ASS1: variants seen among roughly 807,000 people sequenced by gnomAD.
The protein encoded by ASS1 is argininosuccinate synthase 1.
ASS1 carries 58 observed loss-of-function variants against 60.5 expected under a neutral mutation model. That is an observed-to-expected ratio of 0.96 (90% confidence interval 0.78 to 1.19). ASS1 has a LOEUF of 1.19. ASS1 is among the 50% of genes most tolerant of loss of function. ASS1 has a pLI of 0.00. For synonymous variants in ASS1, 200 were observed against 206.9 expected, an observed-to-expected ratio of 0.97 and a Z score of 0.29; for missense variants, 454 against 547.3, an observed-to-expected ratio of 0.83 and a Z score of 1.70.
chr9:130,456,484 C>A (rs186532686), intron 3 of ASS1, among the ~76,000 whole-genome samples: 148 of 152,242 alleles, frequency 9.7e-4, no homozygotes, highest in Middle Eastern at 3.4e-3. Context: ...AACCAACCAA[C>A]CAAACAAACA....
At chr9:130,458,154 G>A (rs1372308436) in intron 3 of ASS1, among the ~76,000 whole-genome samples, 5 of 130,618 alleles carry the variant, frequency 3.8e-5, no homozygotes, top group African/African-American at 1.4e-4. Context: ...GCAAGACTTC[G>A]ACTCAAAAAA....
intron 13 of ASS1, 41 bp from the exon 14 acceptor site, chr9:130,499,464 C>A (rs755575017): frequency 1.2e-6 from 2 of 1,602,448 alleles, no homozygotes; most frequent in Non-Finnish European, 1.7e-6. Flanking sequence ...AAGCAGAGGC[C>A]AGGGCCAGGC....
At chr9:130,466,936 A>T in intron 6 of ASS1, 137 bp downstream of exon 6, 1 of 1,008,408 alleles carries the variant, frequency 9.9e-7, no homozygotes, top group Non-Finnish European at 1.5e-6. Context: ...CTTCCACCCC[A>T]GCTGCCTACA....
intron 11 of ASS1, among the ~76,000 whole-genome samples, chr9:130,484,799 G>A (rs1323027201): frequency 4.8e-5 from 7 of 146,604 alleles, no homozygotes; most frequent in African/African-American, 1.8e-4. Context: ...AGCTTTAAAC[G>A]CACACACACA....
chr9:130,474,597 AGTCCAGTTCACTTTACCTTT>A (rs1845970856), intron 8 of ASS1, among the ~76,000 whole-genome samples: 1 of 152,192 alleles, frequency 6.6e-6, no homozygotes, highest in Non-Finnish European at 1.5e-5. Context: ...CCCAAGATCC[AGTCCAGTTCACTTTACCTTT>A]TTGCTGAGGA....
intron 6 of ASS1, among the ~76,000 whole-genome samples, chr9:130,468,520 T>C (rs1845797807): frequency 6.6e-6 from 1 of 152,206 alleles, no homozygotes; most frequent in Admixed American, 6.5e-5. Context: ...CATCTGACCC[T>C]CCTACCTCAG....
At chr9:130,468,748 A>T (rs1564908532) in intron 6 of ASS1, among the ~76,000 whole-genome samples, 2 of 151,554 alleles carry the variant, frequency 1.3e-5, no homozygotes, top group East Asian at 1.9e-4. Flanking sequence ...TAATTTTTAA[A>T]TTTTTTTTTG....
At chr9:130,483,313 C>A (rs1011601808) in intron 11 of ASS1, among the ~76,000 whole-genome samples, 2 of 123,310 alleles carry the variant, frequency 1.6e-5, no homozygotes, top group African/African-American at 3.1e-5. Flanking sequence ...TTACAAAGCT[C>A]GTAATTGAAA....
At chr9:130,499,666 A>AGC in intron 14 of ASS1, 96 bp downstream of exon 14, 1 of 1,293,550 alleles carries the variant, frequency 7.7e-7, no homozygotes, top group Non-Finnish European at 1.1e-6. Context: ...CTTTGATGCG[A>AGC]CCTTGACTGC....
intron 8 of ASS1, among the ~76,000 whole-genome samples, chr9:130,475,525 G>T (rs1845991335): frequency 6.6e-6 from 1 of 152,140 alleles, no homozygotes; most frequent in South Asian, 2.1e-4. Context: ...ATGTGTATTT[G>T]GCGAGGACCT....
Position 130,500,766 on chromosome 9 carries a change from A to G in ASS1, c.1194-210A>G, listed in dbSNP as rs2282219. Among the ~76,000 whole-genome samples the G allele has an allele frequency of 0.14, 21,426 of 152,116 alleles. 1,758 individuals carry two copies. Among genetic ancestry groups the G allele is most frequent in the South Asian group, 0.24 (1,171 of 4,812 alleles). Reference sequence around the variant, plus strand: ...GCTTTGTCTTCAACAATGACAAACAATGTTTTCCCCCTAAGATAAATTAAT... The same window carrying G: ...GCTTTGTCTTCAACAATGACAAACAGTGTTTTCCCCCTAAGATAAATTAAT... On this transcript the variant is annotated intron_variant, in intron 14 of 14. Transcript: ENST00000352480.
Position 130,477,611 on chromosome 9 carries a change from G to A in ASS1, c.688+650G>A, listed in dbSNP as rs1846052906. 6.6e-6 allele frequency among the ~76,000 whole-genome samples: 1 copy of A among 152,352 alleles called. No individual in the cohort carries two copies. Reference sequence around the variant, plus strand: ...CTGAGTGCCTGGGTGCCTGAGCTTGGGAGAGGGCATCTCTTGGCCTGGAGG... The same window carrying A: ...CTGAGTGCCTGGGTGCCTGAGCTTGAGAGAGGGCATCTCTTGGCCTGGAGG... On this transcript the variant is annotated intron_variant, in intron 9 of 14. Transcript: ENST00000352480. The surrounding 1 kb of genome is among the most constrained non-coding windows in gnomAD (Gnocchi z 4.2).
At chr9:130,474,469 G>C (rs1488648957) in intron 8 of ASS1, among the ~76,000 whole-genome samples, 1 of 152,332 alleles carries the variant, frequency 6.6e-6, no homozygotes, top group South Asian at 2.1e-4. Context: ...CCCAGCGCAG[G>C]TGGAGGTGGG....
chr9:130,458,356 C>T lies in ASS1; in HGVS notation c.175-45C>T. ...CCTGGGGCTCTGTATGCCAGATGGC[C>T]CCTGTCCTTGCCTACTTCTTCCTTC... On this transcript the variant is annotated intron_variant, in intron 3 of 14. Coordinates refer to ENST00000352480, the MANE Select transcript of ASS1 (RefSeq NM_054012.4). The T allele has an allele frequency of 2.5e-6, 4 of 1,611,226 alleles. No individual in the cohort carries two copies. The East Asian group carries it at 6.7e-5, about 27-fold the overall frequency.
intron 14 of ASS1, among the ~76,000 whole-genome samples, chr9:130,500,437 C>T (rs1038520215): frequency 6.6e-6 from 1 of 152,176 alleles, no homozygotes; most frequent in Admixed American, 6.5e-5. Context: ...GCTCCCTTCT[C>T]ATGGGGATTG....
At chr9:130,450,647 A>G (rs1845305344) in intron 1 of ASS1, among the ~76,000 whole-genome samples, 1 of 152,220 alleles carries the variant, frequency 6.6e-6, no homozygotes, top group Non-Finnish European at 1.5e-5. Flanking sequence ...ACGGGACTGA[A>G]TTCTCATGTG....
chr9:130,467,437 C>T (rs377482621), intron 6 of ASS1, among the ~76,000 whole-genome samples: 1 of 152,090 alleles, frequency 6.6e-6, no homozygotes, highest in African/African-American at 2.4e-5. Context: ...TCAATCAGGC[C>T]GGGGAAAAGC....
intron 2 of ASS1, 29 bp from the exon 3 acceptor site, chr9:130,454,276 G>A (rs1234080526): frequency 6.2e-7 from 1 of 1,603,736 alleles, no homozygotes; most frequent in Admixed American, 1.7e-5. Flanking sequence ...CCCAGGGGCT[G>A]ACGGAGCCTC....
intron 6 of ASS1, among the ~76,000 whole-genome samples, chr9:130,469,013 A>G (rs1265967659): frequency 6.6e-6 from 1 of 152,158 alleles, no homozygotes; most frequent in African/African-American, 2.4e-5. Context: ...CCCGCCCTTT[A>G]GCCTCTCCTT....
Sources: gnomAD v4.1 joint callset for allele counts (sites outside exome capture counted in the v4.1 genomes callset) on GRCh38, gnomAD v4.1.1 for gene constraint, Gnocchi (gnomAD v3.1) non-coding constraint, MANE v1.5 for transcripts, NCBI Gene and HGNC (gene_info 2026-07-23, HGNC 2026-07-21) for gene names.